TTC39B: variants seen among roughly 807,000 people sequenced by gnomAD.
The protein encoded by TTC39B is tetratricopeptide repeat protein 39B.
In TTC39B, 92 loss-of-function variants were observed where a neutral mutation model predicts 96.6. The observed-to-expected ratio is 0.95, with a 90% CI of 0.80 to 1.13. The LOEUF (loss-of-function observed/expected upper bound fraction) is 1.13, where lower values mean the gene tolerates loss of function less well. Among genes scored for constraint, TTC39B ranks in the 50% most tolerant of loss-of-function variants. TTC39B has a pLI of 0.00. For synonymous variants in TTC39B, 367 were observed against 299.4 expected (o/e 1.23, Z -2.33); for missense variants, 955 against 809.3 (o/e 1.18, Z -2.18).
chr9:15,266,993 G>A (rs1276353668), intron 2 of TTC39B, among the ~76,000 whole-genome samples: 2 of 152,128 alleles, frequency 1.3e-5, no homozygotes, highest in African/African-American at 2.4e-5. Flanking sequence ...GCAGCAGAAT[G>A]GCGTGAACCT....
At chr9:15,202,344 T>C (rs1367837861) in intron 7 of TTC39B, among the ~76,000 whole-genome samples, 1 of 152,122 alleles carries the variant, frequency 6.6e-6, no homozygotes, top group Non-Finnish European at 1.5e-5. Flanking sequence ...GCTACAGTGA[T>C]TCCGTTTTAC....
intron 1 of TTC39B, among the ~76,000 whole-genome samples, chr9:15,284,152 C>T (rs1340980585): frequency 6.6e-6 from 1 of 152,228 alleles, no homozygotes. Flanking sequence ...CACTCGTACA[C>T]TGAAGAAGAA....
chr9:15,293,993 G>C (rs933179134), intron 1 of TTC39B, among the ~76,000 whole-genome samples: 2 of 152,168 alleles, frequency 1.3e-5, no homozygotes, highest in African/African-American at 4.8e-5. Context: ...TGCAGTCTCC[G>C]AGCCTGCTCT....
intron 10 of TTC39B, 92 bp downstream of exon 10, chr9:15,191,098 A>G: frequency 1.2e-6 from 1 of 848,516 alleles, no homozygotes; most frequent in South Asian, 1.6e-5. Flanking sequence ...ATAATTATCA[A>G]GGTAGTTATG....
intron 1 of TTC39B, among the ~76,000 whole-genome samples, chr9:15,292,014 C>T (rs1298090481): frequency 6.6e-6 from 1 of 152,176 alleles, no homozygotes; most frequent in East Asian, 1.9e-4. Context: ...GTGCCTGGCA[C>T]CCTTTAAATC....
intron 2 of TTC39B, among the ~76,000 whole-genome samples, chr9:15,262,177 C>A (rs536640566): frequency 9.8e-5 from 15 of 152,288 alleles, no homozygotes; most frequent in African/African-American, 3.6e-4. Context: ...CAGCTCACTG[C>A]AACCTCGGCC....
At chr9:15,305,244 G>T in intron 1 of TTC39B, among the ~76,000 whole-genome samples, 1 of 152,074 alleles carries the variant, frequency 6.6e-6, no homozygotes. Flanking sequence ...TAGAGTTCTT[G>T]TACCCAGGTC....
chr9:15,232,162 A>G (rs1438551627), intron 2 of TTC39B: 4 of 152,704 alleles, frequency 2.6e-5, no homozygotes, highest in Non-Finnish European at 5.9e-5. Flanking sequence ...ATCACAGTAA[A>G]TAAAAATCAA....
intron 3 of TTC39B, among the ~76,000 whole-genome samples, chr9:15,219,694 T>C (rs917078935): frequency 1.3e-5 from 2 of 152,116 alleles, no homozygotes; most frequent in East Asian, 1.9e-4. Context: ...CCCCTCTTCA[T>C]TCCTCCTCTG....
intron 2 of TTC39B, among the ~76,000 whole-genome samples, chr9:15,265,182 GA>G (rs1221080204): frequency 6.7e-6 from 1 of 148,164 alleles, no homozygotes; most frequent in Non-Finnish European, 1.5e-5. Context: ...TCTGTGGTTT[GA>G]TTTTTTTAAA....
intron 8 of TTC39B, among the ~76,000 whole-genome samples, chr9:15,197,046 A>G (rs1819211448): frequency 6.6e-6 from 1 of 152,260 alleles, no homozygotes; most frequent in Non-Finnish European, 1.5e-5. Flanking sequence ...GTGTTTATCA[A>G]TTAAGGTATG....
intron 1 of TTC39B, among the ~76,000 whole-genome samples, chr9:15,299,549 T>A (rs973044295): frequency 6.6e-6 from 1 of 151,962 alleles, no homozygotes; most frequent in African/African-American, 2.4e-5. Context: ...AGGAGAGTGC[T>A]GACTAAGGTG....
intron 3 of TTC39B, among the ~76,000 whole-genome samples, chr9:15,221,443 C>T (rs1586904153): frequency 6.6e-6 from 1 of 152,252 alleles, no homozygotes; most frequent in East Asian, 1.9e-4. Context: ...TATGTTGCTC[C>T]CATGTTCTTT....
chr9:15,187,852 G>C, intron 14 of TTC39B, 119 bp downstream of exon 14: 2 of 1,060,334 alleles, frequency 1.9e-6, no homozygotes, highest in Non-Finnish European at 1.3e-6. Flanking sequence ...CTCCTTTTGT[G>C]GATCTCTAAG....
chr9:15,238,710 G>GT (rs1821899689), intron 2 of TTC39B, among the ~76,000 whole-genome samples: 3 of 152,170 alleles, frequency 2.0e-5, no homozygotes, highest in Admixed American at 1.3e-4. Flanking sequence ...TATTGGCTGG[G>GT]TGTGGTGCCT....
chr9:15,272,331 G>C (rs1241936301), intron 1 of TTC39B, among the ~76,000 whole-genome samples: 1 of 152,176 alleles, frequency 6.6e-6, no homozygotes, highest in East Asian at 1.9e-4. Flanking sequence ...TGCTCCTCCA[G>C]TGTTGGTTTC....
At chr9:15,252,868 TA>T (rs2131512121) in intron 2 of TTC39B, among the ~76,000 whole-genome samples, 1 of 152,328 alleles carries the variant, frequency 6.6e-6, no homozygotes, top group African/African-American at 2.4e-5. Context: ...AACTGTCTAT[TA>T]AAAAATCATC....
chr9:15,179,092 C>A (rs541228913), intron 17 of TTC39B, among the ~76,000 whole-genome samples: 17 of 152,178 alleles, frequency 1.1e-4, no homozygotes, highest in African/African-American at 3.9e-4. Context: ...TCTCTGCCTT[C>A]TACAGCCCAA....
intron 3 of TTC39B, among the ~76,000 whole-genome samples, chr9:15,223,698 T>A (rs1457478675): frequency 6.6e-6 from 1 of 152,194 alleles, no homozygotes; most frequent in South Asian, 2.1e-4. Flanking sequence ...AAAGGCAGAG[T>A]GAGAATGTCT....
Sources: allele counts gnomAD v4.1 joint callset (sites outside exome capture counted in the v4.1 genomes callset), GRCh38; gene constraint gnomAD v4.1.1; transcripts MANE v1.5; gene names NCBI Gene and HGNC (gene_info 2026-07-23, HGNC 2026-07-21).